Variants in NLRC5 observed in about 807,000 individuals in gnomAD.
NLRC5 encodes the protein NLR family CARD domain containing 5.
A neutral mutation model predicts 206.9 loss-of-function variants in NLRC5; 114 were observed. The ratio of observed to expected loss-of-function variants is 0.55; its 90% CI spans 0.47 to 0.64. The LOEUF (loss-of-function observed/expected upper bound fraction) is 0.64, where lower values mean the gene tolerates loss of function less well. Among genes scored for constraint, NLRC5 ranks in the 30% least tolerant of loss-of-function variants. NLRC5 has a pLI of 0.00. For missense variants in NLRC5, 2,008 were observed against 2,305.5 expected, an observed-to-expected ratio of 0.87 and a Z score of 2.64; for synonymous variants, 952 against 962.8, an observed-to-expected ratio of 0.99 and a Z score of 0.21.
intron 1 of NLRC5, among the ~76,000 whole-genome samples, chr16:57,005,658 T>C (rs970306157): frequency 1.3e-5 from 2 of 151,734 alleles, no homozygotes; most frequent in African/African-American, 4.8e-5. Flanking sequence ...GTGGCTCACA[T>C]CTGTAATCCC....
chr16:57,013,638 A>G (rs1253759800), intron 1 of NLRC5: 30 of 977,550 alleles, frequency 3.1e-5, no homozygotes, highest in East Asian at 9.5e-5. Flanking sequence ...GTTTTTGCCA[A>G]TCCTCCAACT....
At chr16:57,021,640 G>A (rs1465880386) in intron 3 of NLRC5, among the ~76,000 whole-genome samples, 2 of 152,150 alleles carry the variant, frequency 1.3e-5, no homozygotes, top group Non-Finnish European at 2.9e-5. Context: ...CAAAGTGCTG[G>A]GATTATAGAT....
Position 57,039,812 on chromosome 16 carries a change from G to C in NLRC5, c.2833G>C (p.Ala945Pro), listed in dbSNP as rs1277161677. 1 of 1,614,044 alleles carries C rather than the reference G, an allele frequency of 6.2e-7. No homozygotes were observed. The highest frequency in any genetic ancestry group is 1.3e-5 in the African/African-American group (1 of 74,922). ...LQHKTVIFMF[A>P]QEPEEQKGPQ... Reference sequence around the variant, plus strand: ...GCACAAAACTGTGATCTTCATGTTTGCCCAGGAGCCAGAGGAGCAGAAGGG... The same window carrying C: ...GCACAAAACTGTGATCTTCATGTTTCCCCAGGAGCCAGAGGAGCAGAAGGG... Residue 945 changes from alanine (A) to proline (P), a missense_variant, in exon 16 of 49, where the codon GCC (alanine) becomes CCC (proline). Transcript: ENST00000688547.
chr16:57,032,207 A>C (rs1347014894), intron 11 of NLRC5, among the ~76,000 whole-genome samples: 1 of 152,020 alleles, frequency 6.6e-6, no homozygotes, highest in African/African-American at 2.4e-5. Flanking sequence ...CCAGGTGTTC[A>C]AGACCAGCCT....
rs1003274215 is a variant in NLRC5, at chr16:57,058,168, A to G, written c.3830+20A>G. The G allele has an allele frequency of 8.8e-6, 14 of 1,593,010 alleles. No homozygotes were observed. The Admixed American group carries it at 2.4e-4, about 27-fold the overall frequency. ...GCTTGAGTAAGTGGAAAGCAGCATA[A>G]AGGACAGATAGCAAGGAGGAAGGCT... On this transcript the variant is annotated intron_variant, in intron 28 of 48. Coordinates refer to ENST00000688547, the MANE Select transcript of NLRC5 (RefSeq NM_001384950.1).
At chr16:57,040,616 T>A in intron 16 of NLRC5, 34 bp from the exon 17 acceptor site, 22 of 1,606,918 alleles carry the variant, frequency 1.4e-5, no homozygotes, top group Non-Finnish European at 1.9e-5. Flanking sequence ...GGACATGGCC[T>A]TTGCTCAGCC....
At chr16:56,991,151 A>G (rs289748) in intron 1 of NLRC5, 81,077 of 151,962 alleles carry the variant, frequency 0.53, 22,616 homozygotes, top group African/African-American at 0.68. Context: ...CAACCTTAAA[A>G]TGCTGCACAA....
intron 10 of NLRC5, among the ~76,000 whole-genome samples, chr16:57,030,651 GATGGATGGATGGATGA>G (rs1278249172): frequency 1.4e-4 from 21 of 151,808 alleles, no homozygotes; most frequent in African/African-American, 5.1e-4. Flanking sequence ...TGGATGGATG[GATGGATGGATGGATGA>G]AGGAATGAGT....
chr16:57,012,236 G>C (rs1413844853), intron 1 of NLRC5, among the ~76,000 whole-genome samples: 1 of 152,178 alleles, frequency 6.6e-6, no homozygotes, highest in Non-Finnish European at 1.5e-5. Context: ...ATATGTCACA[G>C]TTTGTTTCTC....
intron 32 of NLRC5, among the ~76,000 whole-genome samples, chr16:57,063,078 CGT>C (rs2144720446): frequency 6.8e-6 from 1 of 147,602 alleles, no homozygotes; most frequent in South Asian, 2.2e-4. Flanking sequence ...CATGTTGCAG[CGT>C]GTGTCACTGT....
chr16:57,058,636 C>CG, intron 28 of NLRC5: 1 of 371,290 alleles, frequency 2.7e-6, no homozygotes, highest in South Asian at 3.3e-5. Context: ...CTCCAGGACA[C>CG]CACTTGTTGC....
At chr16:57,055,331 C>A in intron 26 of NLRC5, 102 bp from the exon 27 acceptor site, 3 of 1,141,666 alleles carry the variant, frequency 2.6e-6, no homozygotes, top group Non-Finnish European at 2.6e-6. Flanking sequence ...TGAGTGGAGA[C>A]CCACCTGGAG....
intron 1 of NLRC5, among the ~76,000 whole-genome samples, chr16:56,991,656 G>A (rs574591130): frequency 2.4e-4 from 36 of 148,400 alleles, no homozygotes; most frequent in African/African-American, 7.2e-4. Flanking sequence ...GATTATAGGC[G>A]TGAGCCATCT....
At chr16:57,010,481 C>T (rs2059373769) in intron 1 of NLRC5, among the ~76,000 whole-genome samples, 1 of 152,174 alleles carries the variant, frequency 6.6e-6, no homozygotes, top group African/African-American at 2.4e-5. Flanking sequence ...CTCAAGCAAT[C>T]CTCTGCCACA....
rs1416906677 is a variant in NLRC5, at chr16:57,079,201, G to T, written c.5166-20G>T. On this transcript the variant is annotated intron_variant, in intron 44 of 48. Transcript: ENST00000688547. ...GCGGGTCTGGGGGTTCCTCTCACAG[G>T]TATCTCCCCTACCCTGCAGCTTGGC... 8.7e-6 allele frequency: 14 copies of T among 1,614,024 alleles called. No homozygotes were observed. The highest frequency in any genetic ancestry group is 2.2e-5 in the South Asian group (2 of 91,088).
At chr16:57,042,983 CCTT>C (rs1410365486) in intron 19 of NLRC5, among the ~76,000 whole-genome samples, 1 of 152,148 alleles carries the variant, frequency 6.6e-6, no homozygotes, top group Non-Finnish European at 1.5e-5. Flanking sequence ...CCTCATGTGA[CCTT>C]CTTATTAGTG....
intron 1 of NLRC5, chr16:57,013,803 C>T (rs981987938): frequency 8.5e-6 from 6 of 705,064 alleles, no homozygotes; most frequent in African/African-American, 1.8e-5. Flanking sequence ...AGAAGCGCAA[C>T]TGAACTAGCA....
chr16:57,054,838 C>T lies in NLRC5; in HGVS notation c.3594C>T (p.Leu1198=), dbSNP rs752368404. 6.2e-7 allele frequency: 1 copy of T among 1,614,042 alleles called. No homozygotes were observed. The highest frequency in any genetic ancestry group is 1.3e-5 in the African/African-American group (1 of 74,958). The stretch of plus-strand genomic sequence containing the variant: ...GTCCACGGGTTAAAAAGGTGGATCT[C>T]AGGTGGGCATTCCCCTGGGACAGCC... The part of the protein sequence containing the change: ...SLCPRVKKVD[L]RSLHHATLHF... The change falls in exon 25 of 49, where the codon CTC becomes CTT. Residue 1198 remains leucine, a splice_region_variant and synonymous_variant. Coordinates refer to ENST00000688547, the MANE Select transcript of NLRC5 (RefSeq NM_001384950.1).
intron 1 of NLRC5, among the ~76,000 whole-genome samples, chr16:57,007,569 A>C (rs1011666786): frequency 3.1e-5 from 4 of 128,482 alleles, no homozygotes; most frequent in African/African-American, 1.1e-4. Context: ...TTAAAAATAC[A>C]AAAAAAAAAA....
Sources: allele counts gnomAD v4.1 joint callset (sites outside exome capture counted in the v4.1 genomes callset), GRCh38; gene constraint gnomAD v4.1.1; transcripts MANE v1.5; gene names NCBI Gene and HGNC (gene_info 2026-07-23, HGNC 2026-07-21).